Variants in ZMAT4 observed in about 807,000 individuals in gnomAD.
ZMAT4 encodes zinc finger matrin-type protein 4.
In ZMAT4, 17 loss-of-function variants were observed where a neutral mutation model predicts 28.7. The ratio of observed to expected loss-of-function variants is 0.59; its 90% CI spans 0.41 to 0.89. The LOEUF is 0.89. Among genes scored for constraint, ZMAT4 ranks in the 40% least tolerant of loss-of-function variants. The pLI is 0.00. For missense variants in ZMAT4, 240 were observed against 283.8 expected (o/e 0.85, Z 1.11); for synonymous variants, 117 against 109.2 (o/e 1.07, Z -0.44).
chr8:40,855,271 C>T (rs1817256844), intron 1 of ZMAT4, among the ~76,000 whole-genome samples: 1 of 152,112 alleles, frequency 6.6e-6, no homozygotes, highest in Non-Finnish European at 1.5e-5. Flanking sequence ...CTAGAACATC[C>T]TGCATCCTAA....
In ZMAT4 at chr8:40,690,861, G is replaced by C; in HGVS notation, c.349+6384C>G. On this transcript the variant is annotated intron_variant, in intron 4 of 6. Transcript: ENST00000297737. ...AGAGAACCAATAAGATTTTAGAAGA[G>C]GAATATACAATAAACACACTTACAA... 3 of 972,536 alleles carry C rather than the reference G, an allele frequency of 3.1e-6. No individual in the cohort carries two copies. The South Asian group carries it at 1.4e-4, about 46-fold the overall frequency. 60.2% of individuals were successfully genotyped at this position (972,536 alleles called of 1,614,324 possible).
intron 1 of ZMAT4, among the ~76,000 whole-genome samples, chr8:40,884,053 C>T (rs559680221): frequency 6.6e-6 from 1 of 152,318 alleles, no homozygotes; most frequent in Non-Finnish European, 1.5e-5. Flanking sequence ...GCATCCCTCT[C>T]GCTCTGTGTG....
chr8:40,875,424 T>C (rs950626737), intron 1 of ZMAT4, among the ~76,000 whole-genome samples: 1 of 151,838 alleles, frequency 6.6e-6, no homozygotes, highest in Non-Finnish European at 1.5e-5. Context: ...GGGGAATTGG[T>C]TGAAAAGAAA....
chr8:40,801,475 G>T (rs762119097), intron 2 of ZMAT4, among the ~76,000 whole-genome samples: 1 of 150,574 alleles, frequency 6.6e-6, no homozygotes, highest in African/African-American at 2.4e-5. Context: ...CGAGTCAAGC[G>T]TGGCCAACAT....
At chr8:40,790,553 T>A (rs1814281281) in intron 2 of ZMAT4, among the ~76,000 whole-genome samples, 1 of 152,168 alleles carries the variant, frequency 6.6e-6, no homozygotes, top group South Asian at 2.1e-4. Context: ...CTATCAGAAA[T>A]ATGAAATATT....
intron 1 of ZMAT4, among the ~76,000 whole-genome samples, chr8:40,833,880 G>A (rs1056071105): frequency 5.3e-5 from 8 of 152,202 alleles, no homozygotes; most frequent in African/African-American, 1.9e-4. Context: ...GAATCTGGCA[G>A]TCTAGGTAGC....
At chr8:40,662,896 G>A (rs906675166) in intron 5 of ZMAT4, among the ~76,000 whole-genome samples, 6 of 152,034 alleles carry the variant, frequency 3.9e-5, no homozygotes, top group East Asian at 1.9e-4. Flanking sequence ...TCTTTCACTC[G>A]TTCCACTTTT....
chr8:40,784,154 C>T (rs1261249929), intron 2 of ZMAT4, among the ~76,000 whole-genome samples: 1 of 152,126 alleles, frequency 6.6e-6, no homozygotes, highest in African/African-American at 2.4e-5. Flanking sequence ...AGGTCCATTG[C>T]TTTTAAATGT....
chr8:40,559,542 T>A (rs1803661486), intron 6 of ZMAT4, among the ~76,000 whole-genome samples: 2 of 152,312 alleles, frequency 1.3e-5, no homozygotes, highest in Middle Eastern at 3.4e-3. Context: ...TCCCCTCCTG[T>A]GAACTGCCTG....
chr8:40,566,420 C>T (rs1196012755), intron 6 of ZMAT4, among the ~76,000 whole-genome samples: 1 of 152,110 alleles, frequency 6.6e-6, no homozygotes, highest in Non-Finnish European at 1.5e-5. Context: ...AACCTGACCT[C>T]CTTCCTATTA....
intron 6 of ZMAT4, among the ~76,000 whole-genome samples, chr8:40,570,916 C>T (rs546076875): frequency 1.3e-5 from 2 of 152,070 alleles, no homozygotes; most frequent in Admixed American, 6.6e-5. Context: ...AGAACCACAT[C>T]GGGTAATGAC....
At chr8:40,811,033 C>T (rs578051862) in intron 2 of ZMAT4, among the ~76,000 whole-genome samples, 1 of 152,218 alleles carries the variant, frequency 6.6e-6, no homozygotes, top group African/African-American at 2.4e-5. Context: ...CAATGATTGG[C>T]AGATATGTAG....
At chr8:40,599,123 TA>T (rs1805204004) in intron 5 of ZMAT4, among the ~76,000 whole-genome samples, 1 of 152,198 alleles carries the variant, frequency 6.6e-6, no homozygotes, top group Admixed American at 6.5e-5. Context: ...CACATTCCCT[TA>T]TTGTAATTTC....
intron 1 of ZMAT4, among the ~76,000 whole-genome samples, chr8:40,847,078 G>A (rs1342260111): frequency 6.6e-6 from 1 of 151,840 alleles, no homozygotes; most frequent in Non-Finnish European, 1.5e-5. Context: ...GGTGGCATGT[G>A]CCTGTAATCC....
chr8:40,776,234 G>A (rs1813589341), intron 2 of ZMAT4, among the ~76,000 whole-genome samples: 1 of 152,142 alleles, frequency 6.6e-6, no homozygotes, highest in Admixed American at 6.5e-5. Context: ...TCTAGAATTA[G>A]GTCACTTCGT....
chr8:40,656,374 A>C (rs1807923700), intron 5 of ZMAT4, among the ~76,000 whole-genome samples: 1 of 152,178 alleles, frequency 6.6e-6, no homozygotes. Context: ...TCACTTTTGC[A>C]AACACTTTGC....
chr8:40,797,961 A>G (rs1220101878), intron 2 of ZMAT4, among the ~76,000 whole-genome samples: 1 of 152,192 alleles, frequency 6.6e-6, no homozygotes, highest in Non-Finnish European at 1.5e-5. Flanking sequence ...CTGGCAGGTA[A>G]GGCAAGGTCC....
intron 6 of ZMAT4, among the ~76,000 whole-genome samples, chr8:40,551,501 A>T (rs1033484516): frequency 6.6e-6 from 1 of 152,208 alleles, no homozygotes; most frequent in African/African-American, 2.4e-5. Context: ...ATTAGTTTTC[A>T]TATAGTAGAC....
intron 5 of ZMAT4, among the ~76,000 whole-genome samples, chr8:40,644,155 A>G (rs1310255400): frequency 1.3e-5 from 2 of 152,190 alleles, no homozygotes; most frequent in African/African-American, 4.8e-5. Context: ...GCTTAAAGGT[A>G]TAGATGCCAT....
Sources: gnomAD v4.1 joint callset for allele counts (sites outside exome capture counted in the v4.1 genomes callset) on GRCh38, gnomAD v4.1.1 for gene constraint, MANE v1.5 for transcripts, NCBI Gene and HGNC (gene_info 2026-07-23, HGNC 2026-07-21) for gene names.